Variants in GRID2 observed in about 807,000 individuals in gnomAD.
The protein encoded by GRID2 is glutamate ionotropic receptor delta type subunit 2.
A neutral mutation model predicts 114.8 loss-of-function variants in GRID2; 33 were observed. That is an observed-to-expected ratio of 0.29 (90% CI 0.22 to 0.38). GRID2 has a LOEUF of 0.38. Ranked by LOEUF, GRID2 falls within the 10% of genes least tolerant of loss-of-function variation. The pLI, the probability that GRID2 is intolerant of heterozygous loss-of-function variation, is 1.00. For synonymous variants in GRID2, 505 were observed against 449.9 expected (o/e 1.12, Z -1.55); for missense variants, 1,184 against 1,257.7 (o/e 0.94, Z 0.89).
At chr4:93,575,057 T>C (rs1242232728) in intron 13 of GRID2, among the ~76,000 whole-genome samples, 1 of 152,148 alleles carries the variant, frequency 6.6e-6, no homozygotes, top group East Asian at 1.9e-4. Context: ...TACATAGTGG[T>C]TCAGGGATCT....
intron 3 of GRID2, among the ~76,000 whole-genome samples, chr4:93,110,503 A>AT (rs1044128225): frequency 2.0e-5 from 3 of 152,204 alleles, no homozygotes; most frequent in Non-Finnish European, 4.4e-5. Flanking sequence ...GATTGACATC[A>AT]TTTAGGTTCC....
intron 4 of GRID2, among the ~76,000 whole-genome samples, chr4:93,190,637 AG>A (rs1264836576): frequency 6.6e-6 from 1 of 152,148 alleles, no homozygotes; most frequent in Non-Finnish European, 1.5e-5. Flanking sequence ...TCAAAGCTAA[AG>A]ATAAGGATTT....
At chr4:93,428,285 T>TA (rs1272832246) in intron 10 of GRID2, among the ~76,000 whole-genome samples, 2 of 151,986 alleles carry the variant, frequency 1.3e-5, no homozygotes, top group Non-Finnish European at 2.9e-5. Flanking sequence ...TTCTATAAAG[T>TA]AAAAAAATAC....
chr4:93,027,825 T>C (rs1724021896), intron 2 of GRID2, among the ~76,000 whole-genome samples: 2 of 152,140 alleles, frequency 1.3e-5, no homozygotes, highest in South Asian at 4.1e-4. Context: ...AGGTTGTTAA[T>C]ATAAAAGTTA....
chr4:93,444,841 T>C (rs1218738037), intron 10 of GRID2, among the ~76,000 whole-genome samples: 3 of 152,072 alleles, frequency 2.0e-5, no homozygotes, highest in Non-Finnish European at 4.4e-5. Flanking sequence ...CCTATGTATA[T>C]GTAAAAATAG....
At chr4:93,342,041 T>C (rs1759711623) in intron 8 of GRID2, among the ~76,000 whole-genome samples, 1 of 152,186 alleles carries the variant, frequency 6.6e-6, no homozygotes, top group Admixed American at 6.5e-5. Context: ...CTATGCAATA[T>C]TGTATCCTAC....
At chr4:92,701,886 C>G (rs979934359) in intron 2 of GRID2, among the ~76,000 whole-genome samples, 2 of 152,090 alleles carry the variant, frequency 1.3e-5, no homozygotes, top group African/African-American at 4.8e-5. Context: ...TCTGAGCAAC[C>G]TATGCTAAGA....
rs1404602345 is a variant in GRID2 at position 92,845,729 on chromosome 4, G to C, written c.245-239266G>C. Among the ~76,000 whole-genome samples the C allele has an allele frequency of 2.6e-5, 4 of 152,074 alleles. No individual in the cohort carries two copies. In the East Asian group the frequency reaches 7.8e-4, roughly 29 times the overall value. On this transcript the variant is annotated intron_variant, in intron 2 of 15. Coordinates refer to ENST00000282020, the MANE Select transcript of GRID2 (RefSeq NM_001510.4). ...ATTTTTCTTTAGAGATAATCCCTTT[G>C]ACTATCATCCTAGACCTCTTTATAT...
chr4:93,065,997 G>A (rs1728258882), intron 2 of GRID2, among the ~76,000 whole-genome samples: 1 of 151,764 alleles, frequency 6.6e-6, no homozygotes, highest in Admixed American at 6.6e-5. Flanking sequence ...AGTGGTGTGT[G>A]GTGTATAATG....
chr4:93,352,621 A>C (rs572958226), intron 8 of GRID2, among the ~76,000 whole-genome samples: 4 of 151,986 alleles, frequency 2.6e-5, no homozygotes, highest in African/African-American at 9.7e-5. Context: ...AAAGTCCTAC[A>C]CTCTATTGAA....
intron 1 of GRID2, among the ~76,000 whole-genome samples, chr4:92,447,044 T>TATG (rs1464099105): frequency 6.6e-6 from 1 of 152,222 alleles, no homozygotes; most frequent in Non-Finnish European, 1.5e-5. Flanking sequence ...CCTATGATTC[T>TATG]ATGTATTTTT....
chr4:92,590,390 T>C (rs1728653348), intron 2 of GRID2, 104 bp downstream of exon 2: 1 of 785,442 alleles, frequency 1.3e-6, no homozygotes, highest in South Asian at 1.9e-5. Flanking sequence ...TTGTATCTTG[T>C]TGATAATAGG....
intron 9 of GRID2, among the ~76,000 whole-genome samples, chr4:93,398,639 C>G (rs1441866841): frequency 6.6e-6 from 1 of 151,856 alleles, no homozygotes; most frequent in Admixed American, 6.6e-5. Context: ...AGTGTTAACA[C>G]CTGCATACCC....
chr4:93,710,616 T>C (rs185564130), intron 14 of GRID2, among the ~76,000 whole-genome samples: 1 of 152,284 alleles, frequency 6.6e-6, no homozygotes, highest in East Asian at 1.9e-4. Context: ...CCAAGGGCTC[T>C]TTGGTCAACA....
intron 2 of GRID2, among the ~76,000 whole-genome samples, chr4:92,881,268 G>A (rs1238256272): frequency 6.6e-6 from 1 of 152,092 alleles, no homozygotes; most frequent in African/African-American, 2.4e-5. Flanking sequence ...AGTTCTCAGA[G>A]CTCGCCACCT....
At chr4:92,451,339 G>A (rs57865891) in intron 1 of GRID2, among the ~76,000 whole-genome samples, 23,989 of 152,004 alleles carry the variant, frequency 0.16, 2,412 homozygotes, top group African/African-American at 0.29. Context: ...CTAGAATCAC[G>A]CTCAATTTAG....
chr4:93,715,200 T>C (rs1728807023), intron 14 of GRID2, among the ~76,000 whole-genome samples: 1 of 152,198 alleles, frequency 6.6e-6, no homozygotes, highest in Admixed American at 6.5e-5. Context: ...CCTTTCCCCA[T>C]TGCCTGTTTT....
rs1269948482 is a variant in GRID2 at position 93,515,395 on chromosome 4, A to T, written c.2177A>T (p.Gln726Leu). The T allele has an allele frequency of 6.2e-7, 1 of 1,610,000 alleles. No individual in the cohort carries two copies. The highest frequency in any genetic ancestry group is 1.3e-5 in the African/African-American group (1 of 74,844). The change falls in exon 13 of 16, where the codon CAG (glutamine) becomes CTG (leucine). Residue 726 changes from glutamine (Q) to leucine (L), a missense_variant. Transcript: ENST00000282020. ...NGSENNVLES[Q>L]AGIQKVKYGN... ...TCGGAGAACAATGTTCTGGAGTCCC[A>T]GGCAGGCATTCAAAAGGTACTGTCC... is the stretch of plus-strand genomic sequence containing the variant.
At chr4:93,017,882 CTTTTTT>C (rs528393000) in intron 2 of GRID2, among the ~76,000 whole-genome samples, 10 of 119,120 alleles carry the variant, frequency 8.4e-5, no homozygotes, top group African/African-American at 2.8e-4. Context: ...AGACAGTAAG[CTTTTTT>C]TTTTTTTTTT....
Sources: allele counts gnomAD v4.1 joint callset (sites outside exome capture counted in the v4.1 genomes callset), GRCh38; gene constraint gnomAD v4.1.1; transcripts MANE v1.5; gene names NCBI Gene and HGNC (gene_info 2026-07-23, HGNC 2026-07-21).